The following DMD variants were observed in gnomAD, a reference collection of about 807,000 sequenced individuals.
The protein encoded by DMD is mutant dystrophin.
In DMD, 63 loss-of-function variants were observed where a neutral mutation model predicts 330.1. The observed-to-expected ratio is 0.19, with a 90% confidence interval of 0.16 to 0.24. DMD has a LOEUF of 0.24. Among genes scored for constraint, DMD ranks in the 10% least tolerant of loss-of-function variants. The pLI is 1.00. For synonymous variants in DMD, 1,223 were observed against 959.8 expected, an observed-to-expected ratio of 1.27 and a Z score of -5.07; for missense variants, 3,344 against 2,684.1, an observed-to-expected ratio of 1.25 and a Z score of -5.43.
chrX:31,502,069 T>C (rs963900830), intron 56 of DMD, among the ~76,000 whole-genome samples: 2 of 111,295 alleles, frequency 1.8e-5, no homozygotes, highest in Non-Finnish European at 3.8e-5. Flanking sequence ...GATATCCATA[T>C]GCAGAATGAA....
intron 4 of DMD, among the ~76,000 whole-genome samples, chrX:32,824,278 C>T (rs780280614): frequency 5.4e-5 from 6 of 111,389 alleles, no homozygotes; most frequent in African/African-American, 2.0e-4. Flanking sequence ...GAAATGAAAA[C>T]ACATGTGTAC....
At chrX:32,539,172 C>CTT (rs71980872) in intron 17 of DMD, among the ~76,000 whole-genome samples, 3,673 of 95,385 alleles carry the variant, frequency 0.039, 164 homozygotes, top group African/African-American at 0.12. Context: ...ATTTCTATTT[C>CTT]TTTTTTTTTT....
intron 17 of DMD, among the ~76,000 whole-genome samples, chrX:32,536,151 G>A (rs1023506145): frequency 1.9e-5 from 2 of 107,600 alleles, no homozygotes; most frequent in Non-Finnish European, 3.8e-5. Context: ...TGTAGTGCCA[G>A]CTACTTGGGA....
intron 45 of DMD, among the ~76,000 whole-genome samples, chrX:31,966,357 T>C (rs2095351257): frequency 9.0e-6 from 1 of 111,531 alleles, no homozygotes; most frequent in South Asian, 3.7e-4. Flanking sequence ...CCAGTACTTA[T>C]ATTTTATTAC....
intron 55 of DMD, among the ~76,000 whole-genome samples, chrX:31,519,675 C>T (rs912403964): frequency 1.8e-5 from 2 of 111,969 alleles, no homozygotes; most frequent in Non-Finnish European, 3.8e-5. Context: ...CCAAAATAAT[C>T]ACAGACACTC....
intron 47 of DMD, among the ~76,000 whole-genome samples, chrX:31,892,162 A>ACAT (rs1384310081): frequency 8.9e-6 from 1 of 112,462 alleles, no homozygotes; most frequent in Admixed American, 9.4e-5. Flanking sequence ...CAAATTATCT[A>ACAT]CATCATTATT....
intron 46 of DMD, among the ~76,000 whole-genome samples, chrX:31,931,066 C>A (rs1343575908): frequency 8.9e-6 from 1 of 111,826 alleles, no homozygotes; most frequent in African/African-American, 3.2e-5. Context: ...TGACATTGGA[C>A]TCTAATTTAC....
chrX:32,419,502 G>A (rs1296854060), intron 29 of DMD, among the ~76,000 whole-genome samples: 1 of 111,892 alleles, frequency 8.9e-6, no homozygotes, highest in African/African-American at 3.3e-5. Flanking sequence ...TATTTAATAG[G>A]GATATAGGCG....
At chrX:32,943,978 C>A in intron 2 of DMD, among the ~76,000 whole-genome samples, 1 of 110,853 alleles carries the variant, frequency 9.0e-6, no homozygotes. Flanking sequence ...CCAAATATAT[C>A]ATACACATTA....
chrX:32,717,332 C>A (rs188647749), intron 7 of DMD, among the ~76,000 whole-genome samples: 1 of 111,238 alleles, frequency 9.0e-6, no homozygotes, highest in East Asian at 2.9e-4. Context: ...CCCAGACACT[C>A]CAGCTCCAGC....
intron 7 of DMD, among the ~76,000 whole-genome samples, chrX:32,797,647 T>C (rs1419916932): frequency 8.9e-6 from 1 of 112,147 alleles, no homozygotes; most frequent in East Asian, 2.8e-4. Context: ...ATTGTGATGA[T>C]ATGACTAGGA....
intron 59 of DMD, among the ~76,000 whole-genome samples, chrX:31,471,320 G>A (rs113568902): frequency 0.017 from 1,941 of 112,173 alleles, 37 homozygotes; most frequent in African/African-American, 0.059. Flanking sequence ...TGTTGCGGAG[G>A]CTGTGGGAAA....
intron 12 of DMD, among the ~76,000 whole-genome samples, chrX:32,596,375 C>G (rs1329014022): frequency 9.1e-6 from 1 of 109,965 alleles, no homozygotes; most frequent in Non-Finnish European, 1.9e-5. Flanking sequence ...TGCCCACTAA[C>G]CCATTGAAAT....
At chrX:31,790,078 T>C (rs1220416370) in intron 50 of DMD, among the ~76,000 whole-genome samples, 1 of 112,223 alleles carries the variant, frequency 8.9e-6, no homozygotes. Flanking sequence ...ATGCTATACT[T>C]AATAACTATT....
At chrX:31,239,352 T>C (rs1038168781) in intron 63 of DMD, among the ~76,000 whole-genome samples, 10 of 112,139 alleles carry the variant, frequency 8.9e-5, no homozygotes, top group African/African-American at 3.2e-4. Context: ...ATACTTTTTA[T>C]TAAGAAAATG....
At chrX:33,105,556 C>T (rs913961630) in intron 1 of DMD, among the ~76,000 whole-genome samples, 2 of 112,079 alleles carry the variant, frequency 1.8e-5, no homozygotes, top group African/African-American at 6.5e-5. Context: ...CTACAACCTA[C>T]AAAGAACTCA....
intron 67 of DMD, among the ~76,000 whole-genome samples, chrX:31,201,518 T>A (rs2043469720): frequency 8.9e-6 from 1 of 112,588 alleles, no homozygotes; most frequent in Non-Finnish European, 1.9e-5. Context: ...GACAGAAATG[T>A]AACCAAACCA....
At chrX:32,640,993 T>A (rs1051250762) in intron 11 of DMD, among the ~76,000 whole-genome samples, 3 of 111,746 alleles carry the variant, frequency 2.7e-5, no homozygotes, top group African/African-American at 9.8e-5. Flanking sequence ...CCTGGCCTTT[T>A]GGTTCCTCCA....
At chrX:33,338,763 T>C (rs1453514048) in intron 1 of DMD, among the ~76,000 whole-genome samples, 1 of 111,498 alleles carries the variant, frequency 9.0e-6, no homozygotes, top group African/African-American at 3.3e-5. Context: ...AAGCTAGAAA[T>C]TGATGAGGAG....
Sources: allele counts gnomAD v4.1 joint callset (sites outside exome capture counted in the v4.1 genomes callset), GRCh38; gene constraint gnomAD v4.1.1; transcripts MANE v1.5; gene names NCBI Gene and HGNC (gene_info 2026-07-23, HGNC 2026-07-21).